Variants in GRIK5 observed in about 807,000 individuals in gnomAD.
GRIK5 encodes the protein glutamate receptor ionotropic, kainate 5.
Under a neutral mutation model 97.4 loss-of-function variants are expected in GRIK5, and 43 were observed. The ratio of observed to expected loss-of-function variants is 0.44; its 90% CI spans 0.35 to 0.57. The LOEUF is 0.57. GRIK5 is among the 20% of genes least tolerant of loss of function. The probability of loss-of-function intolerance (pLI) is 0.01; values close to 1 mark genes in which losing one functional copy is unlikely to be tolerated. For missense variants in GRIK5, 1,015 were observed against 1,382.0 expected, an observed-to-expected ratio of 0.73 and a Z score of 4.21; for synonymous variants, 580 against 583.5, an observed-to-expected ratio of 0.99 and a Z score of 0.09.
At position 42,042,278 on chromosome 19, in the gene GRIK5, C is replaced by G. The variant is rs1029233506; in HGVS notation, c.1473+274G>C. Among the ~76,000 whole-genome samples, 2 of 152,156 alleles carry G rather than the reference C, an allele frequency of 1.3e-5. No homozygotes were observed. Among genetic ancestry groups the G allele is most frequent in the East Asian group, 3.8e-4 (2 of 5,198 alleles). ...ATTCACTTAACAAATCTTTGCACACCGACTAATCCAAGGTGGCATGAAAGG... is the reference window on the plus strand; with the variant it reads ...ATTCACTTAACAAATCTTTGCACACGGACTAATCCAAGGTGGCATGAAAGG... On this transcript the variant is annotated intron_variant, in intron 12 of 19. Transcript: ENST00000593562. This position sits in a 1 kb window ranked among gnomAD's most constrained non-coding sequence, Gnocchi z 6.9.
intron 8 of GRIK5, 21 bp downstream of exon 8, chr19:42,056,641 A>G (rs1419024964): frequency 1.2e-6 from 2 of 1,610,334 alleles, no homozygotes; most frequent in South Asian, 2.2e-5. Flanking sequence ...TCTGGGTGTG[A>G]CTGGGTATCT....
chr19:42,011,305 C>G (rs959874339), intron 15 of GRIK5, among the ~76,000 whole-genome samples: 11 of 151,910 alleles, frequency 7.2e-5, no homozygotes, highest in Admixed American at 7.2e-4. Context: ...GTAATCCCAG[C>G]ACTTTGGGAG....
chr19:42,025,916 C>T (rs2075765838), intron 12 of GRIK5, among the ~76,000 whole-genome samples: 1 of 152,132 alleles, frequency 6.6e-6, no homozygotes, highest in African/African-American at 2.4e-5. Context: ...TCAAGATCAG[C>T]CAGGGTAATG....
chr19:42,061,158 C>T (rs2076254083), intron 5 of GRIK5, among the ~76,000 whole-genome samples: 1 of 152,214 alleles, frequency 6.6e-6, no homozygotes, highest in African/African-American at 2.4e-5. Flanking sequence ...CGCCATTCTC[C>T]TGCCTCAGCC....
rs906275974 is a variant in GRIK5 at position 42,003,767 on chromosome 19, G to A, written c.2264-84C>T. On this transcript the variant is annotated intron_variant, in intron 17 of 19. Transcript: ENST00000593562. This position sits in a 1 kb window ranked among gnomAD's most constrained non-coding sequence, Gnocchi z 4.2. Reference sequence around the variant, plus strand: ...AAACCCCAAACTGTGCCCTCACCACGGCCTTCCCCCGCCTCTACCACGTGC... The same window carrying A: ...AAACCCCAAACTGTGCCCTCACCACAGCCTTCCCCCGCCTCTACCACGTGC... 18 of 1,409,342 alleles carry A rather than the reference G, an allele frequency of 1.3e-5. No individual in the cohort carries two copies. The highest frequency in any genetic ancestry group is 5.8e-5 in the African/African-American group (4 of 69,176). 87.3% of individuals were successfully genotyped at this position (1,409,342 alleles called of 1,614,324 possible). A position where few individuals can be genotyped will look rare whatever the true frequency, so the allele number is the denominator to read the frequency against.
At chr19:42,019,757 G>C (rs1354344404) in intron 15 of GRIK5, among the ~76,000 whole-genome samples, 1 of 152,180 alleles carries the variant, frequency 6.6e-6, no homozygotes, top group East Asian at 1.9e-4. Flanking sequence ...ACCAAGGAAT[G>C]CAAGTGGCTT....
chr19:42,016,249 G>A (rs1009914098), intron 15 of GRIK5, among the ~76,000 whole-genome samples: 21 of 151,968 alleles, frequency 1.4e-4, no homozygotes, highest in Admixed American at 3.9e-4. Flanking sequence ...ATGAAACCCC[G>A]TCTCTACTAA....
At chr19:42,019,062 G>T (rs1444740789) in intron 15 of GRIK5, among the ~76,000 whole-genome samples, 1 of 152,192 alleles carries the variant, frequency 6.6e-6, no homozygotes, top group Non-Finnish European at 1.5e-5. Flanking sequence ...GGGGCTGTCT[G>T]GGTGACAGCG....
chr19:42,064,975 G>A (rs937583473), intron 3 of GRIK5, among the ~76,000 whole-genome samples: 3 of 152,230 alleles, frequency 2.0e-5, no homozygotes, highest in African/African-American at 4.8e-5. Flanking sequence ...CAGCTGGGAT[G>A]ATAGGGCTTA....
chr19:42,017,725 G>A (rs931723295), intron 15 of GRIK5, among the ~76,000 whole-genome samples: 14 of 152,218 alleles, frequency 9.2e-5, no homozygotes, highest in African/African-American at 3.1e-4. Flanking sequence ...GCATGGATAA[G>A]GGGTCGCATG....
intron 8 of GRIK5, 106 bp downstream of exon 8, chr19:42,056,556 G>C: frequency 1.1e-6 from 1 of 948,874 alleles, no homozygotes; most frequent in South Asian, 1.5e-5. Flanking sequence ...GAGGCCTCAG[G>C]GAGGGCGAGA....
At chr19:42,066,315 C>T (rs1389906576) in intron 1 of GRIK5, among the ~76,000 whole-genome samples, 1 of 152,044 alleles carries the variant, frequency 6.6e-6, no homozygotes, top group Non-Finnish European at 1.5e-5. Flanking sequence ...ATCCCCAGTT[C>T]CCACAATCCC....
At chr19:42,044,267 G>A (rs1349739118) in intron 11 of GRIK5, among the ~76,000 whole-genome samples, 2 of 152,278 alleles carry the variant, frequency 1.3e-5, no homozygotes, top group Admixed American at 6.5e-5. Flanking sequence ...ATAAATTACC[G>A]AGTCTCGGGC....
intron 12 of GRIK5, among the ~76,000 whole-genome samples, chr19:42,029,213 G>A (rs555907872): frequency 7.2e-5 from 11 of 152,132 alleles, no homozygotes; most frequent in East Asian, 3.9e-4. Flanking sequence ...AACTACAGGC[G>A]TGTGCCACCA....
intron 12 of GRIK5, among the ~76,000 whole-genome samples, chr19:42,023,235 C>G (rs940418882): frequency 2.5e-4 from 38 of 151,866 alleles, no homozygotes; most frequent in Non-Finnish European, 1.0e-4. Context: ...AGAGATGGCA[C>G]CAGCCTCGAT....
rs1053811898 is a variant in GRIK5 at position 42,054,172 on chromosome 19, A to G, written c.1056+148T>C. On this transcript the variant is annotated intron_variant, in intron 9 of 19. Coordinates refer to ENST00000593562, the MANE Select transcript of GRIK5 (RefSeq NM_002088.5). ...AAGAGAGAGAGAGAGTAACCCAGAT[A>G]GGCAGCAACAGCCAGGAGTGGACAG... is the stretch of plus-strand genomic sequence containing the variant. The G allele has an allele frequency of 1.8e-5, 15 of 812,128 alleles. No homozygotes were observed. In the East Asian group the frequency reaches 3.3e-4, roughly 18 times the overall value. The allele number at this position is 812,128 out of a possible 1,614,324, so 50.3% of individuals were successfully genotyped here. A position where few individuals can be genotyped will look rare whatever the true frequency, so the allele number is the denominator to read the frequency against.
At chr19:42,059,229 G>C in intron 6 of GRIK5, 120 bp downstream of exon 6, 1 of 728,746 alleles carries the variant, frequency 1.4e-6, no homozygotes, top group Non-Finnish European at 2.3e-6. Context: ...CATCTTCACG[G>C]AAGAAGAAGG....
intron 12 of GRIK5, among the ~76,000 whole-genome samples, chr19:42,037,958 C>A (rs1026251761): frequency 6.6e-6 from 1 of 152,214 alleles, no homozygotes; most frequent in Admixed American, 6.5e-5. Context: ...CTGCACAGGG[C>A]AGGTTTCCAG....
At chr19:42,057,119 A>G (rs1446883221) in intron 6 of GRIK5, 141 bp from the exon 7 acceptor site, 1 of 696,426 alleles carries the variant, frequency 1.4e-6, no homozygotes, top group Non-Finnish European at 2.6e-6. Context: ...AAAGTAATAA[A>G]TGCTCAGAGA....
Sources: gnomAD v4.1 joint callset for allele counts (sites outside exome capture counted in the v4.1 genomes callset) on GRCh38, gnomAD v4.1.1 for gene constraint, Gnocchi (gnomAD v3.1) non-coding constraint, MANE v1.5 for transcripts, NCBI Gene and HGNC (gene_info 2026-07-23, HGNC 2026-07-21) for gene names.